Variants in ABLIM2 observed in about 807,000 individuals in gnomAD.
ABLIM2 encodes actin binding LIM protein family member 2.
In ABLIM2, 53 loss-of-function variants were observed where a neutral mutation model predicts 97.7. That is an observed-to-expected ratio of 0.54 (90% confidence interval 0.44 to 0.68). The LOEUF (loss-of-function observed/expected upper bound fraction) is 0.68. Among genes scored for constraint, ABLIM2 ranks in the 30% least tolerant of loss-of-function variants. The probability of loss-of-function intolerance (pLI) is 0.00; values close to 1 mark genes in which losing one functional copy is unlikely to be tolerated. For synonymous variants in ABLIM2, 361 were observed against 345.8 expected (o/e 1.04, Z -0.49); for missense variants, 835 against 867.2 (o/e 0.96, Z 0.47).
chr4:8,089,732 C>CAA lies in ABLIM2; in HGVS notation c.339-1450_339-1449dup, dbSNP rs58396378. 8.6e-3 allele frequency among the ~76,000 whole-genome samples: 752 copies of CAA among 87,344 alleles called. 11 individuals carry two copies. The highest frequency in any genetic ancestry group is 0.018 in the South Asian group (32 of 1,828). The allele number at this position is 87,344 out of a possible 152,430, so 57.3% of individuals were successfully genotyped here. A position where few individuals can be genotyped will look rare whatever the true frequency, so the allele number is the denominator to read the frequency against. Reference sequence around the variant, plus strand: ...CTGGGCCAAAGAGTGAGATTCATATCAAAAAAAAAAAAAAAAAAAAAAAGC... The same window carrying CAA: ...CTGGGCCAAAGAGTGAGATTCATATCAAAAAAAAAAAAAAAAAAAAAAAAAGC... On this transcript the variant is annotated intron_variant, in intron 3 of 20. Coordinates refer to ENST00000447017, the MANE Select transcript of ABLIM2 (RefSeq NM_001130083.2).
At chr4:8,007,775 G>T (rs1578487299) in intron 16 of ABLIM2, 2 of 1,213,684 alleles carry the variant, frequency 1.6e-6, no homozygotes, top group East Asian at 8.0e-5. Flanking sequence ...AACAGCCCAG[G>T]AGCAGGTCTG....
In ABLIM2 at chr4:8,054,215, T is replaced by C; in HGVS notation, c.795A>G (p.Gln265=). The change falls in exon 8 of 21, where the codon CAA becomes CAG. Residue 265 remains glutamine (Q), a synonymous_variant. Transcript: ENST00000447017. The surrounding 1 kb of genome is among the most constrained non-coding windows in gnomAD (Gnocchi z 4.9). ...GSSIWHPACR[Q]AARTEDRNKE... ...TGTTTCTGTCTTCAGTTCTGGCTGCTTGTCGACACGCCGGATGCCAGATGG... is the reference window on the plus strand; with the variant it reads ...TGTTTCTGTCTTCAGTTCTGGCTGCCTGTCGACACGCCGGATGCCAGATGG... The C allele has an allele frequency of 1.2e-6, 2 of 1,614,080 alleles. No homozygotes were observed. Among genetic ancestry groups the C allele is most frequent in the Non-Finnish European group, 1.7e-6 (2 of 1,179,908 alleles).
At chr4:8,143,215 G>A (rs1452633277) in intron 1 of ABLIM2, among the ~76,000 whole-genome samples, 1 of 148,000 alleles carries the variant, frequency 6.8e-6, no homozygotes, top group Non-Finnish European at 1.5e-5. Flanking sequence ...CTCTATCACA[G>A]CGTCCCAGGC....
chr4:8,080,538 C>G (rs1032053699), intron 5 of ABLIM2, 138 bp downstream of exon 5: 2 of 1,014,870 alleles, frequency 2.0e-6, no homozygotes, highest in Non-Finnish European at 2.7e-6. Context: ...TCTCACCCAG[C>G]AGCAGGGCAG....
chr4:8,009,616 G>C (rs1177201243), intron 14 of ABLIM2, among the ~76,000 whole-genome samples: 1 of 152,118 alleles, frequency 6.6e-6, no homozygotes, highest in Non-Finnish European at 1.5e-5. Flanking sequence ...GGCTGGTCTT[G>C]AACTCTTGAT....
chr4:8,061,397 G>A lies in ABLIM2; in HGVS notation c.676-343C>T, dbSNP rs1042821703. ...AGGTCTTGGTATTTCCAGAGGGAGC[G>A]GGAGGGACAGGAGGAGGAAGAAAAG... is the stretch of plus-strand genomic sequence containing the variant. On this transcript the variant is annotated intron_variant, in intron 6 of 20. Transcript: ENST00000447017. This position sits in a 1 kb window ranked among gnomAD's most constrained non-coding sequence, Gnocchi z 4.5. 6.6e-6 allele frequency among the ~76,000 whole-genome samples: 1 copy of A among 152,152 alleles called. No individual in the cohort carries two copies.
intron 8 of ABLIM2, among the ~76,000 whole-genome samples, chr4:8,052,073 G>A (rs771526573): frequency 1.3e-5 from 2 of 151,994 alleles, no homozygotes; most frequent in Non-Finnish European, 2.9e-5. Flanking sequence ...TAAACTCTCC[G>A]CTCTTTAAGA....
intron 14 of ABLIM2, among the ~76,000 whole-genome samples, chr4:8,011,115 A>T (rs1578581836): frequency 2.0e-5 from 3 of 152,230 alleles, no homozygotes; most frequent in African/African-American, 7.2e-5. Flanking sequence ...CTGAAATCCC[A>T]GCCCTTGGAA....
intron 9 of ABLIM2, among the ~76,000 whole-genome samples, chr4:8,037,533 A>G (rs2151487302): frequency 6.6e-6 from 1 of 151,674 alleles, no homozygotes; most frequent in South Asian, 2.1e-4. Context: ...CCCCAGGCCC[A>G]TGGCTCACTC....
chr4:8,095,653 G>A lies in ABLIM2; in HGVS notation c.338+1446C>T, dbSNP rs927140813. Among the ~76,000 whole-genome samples, 1 of 152,160 alleles carries A rather than the reference G, an allele frequency of 6.6e-6. No homozygotes were observed. The highest frequency in any genetic ancestry group is 2.4e-5 in the African/African-American group (1 of 41,440). ...CCTACCTTGGCCTCCCGAGGTGCTGGATTACGGGTGTGAGCCTCCGCGCCC... is the reference window on the plus strand; with the variant it reads ...CCTACCTTGGCCTCCCGAGGTGCTGAATTACGGGTGTGAGCCTCCGCGCCC... On this transcript the variant is annotated intron_variant, in intron 3 of 20. Transcript: ENST00000447017. The surrounding 1 kb of genome is among the most constrained non-coding windows in gnomAD (Gnocchi z 4.7).
At position 8,061,248 on chromosome 4, in the gene ABLIM2, G is replaced by A. The variant is rs12504332; in HGVS notation, c.676-194C>T. ...GGGGTGCCCCCGGGCTGTCCAAGGC[G>A]CCCTGTGGGGAGGCAGGGGGAGACC... is the stretch of plus-strand genomic sequence containing the variant. On this transcript the variant is annotated intron_variant, in intron 6 of 20. Coordinates refer to ENST00000447017, the MANE Select transcript of ABLIM2 (RefSeq NM_001130083.2). This position sits in a 1 kb window ranked among gnomAD's most constrained non-coding sequence, Gnocchi z 4.5. Among the ~76,000 whole-genome samples, 94,818 of 151,894 alleles carry A rather than the reference G, an allele frequency of 0.62. 30,200 individuals are homozygous for A. Among genetic ancestry groups the A allele is most frequent in the East Asian group, 0.93 (4,779 of 5,116 alleles).
In ABLIM2 at chr4:8,128,931, C is replaced by T. The variant is rs899809311; in HGVS notation, c.11-22294G>A. 6.6e-6 allele frequency among the ~76,000 whole-genome samples: 1 copy of T among 152,168 alleles called. No homozygotes were observed. The highest frequency in any genetic ancestry group is 2.4e-5 in the African/African-American group (1 of 41,434). On this transcript the variant is annotated intron_variant, in intron 1 of 20. Transcript: ENST00000447017. The surrounding 1 kb of genome is among the most constrained non-coding windows in gnomAD (Gnocchi z 4.9). ...GGCACTCTGATCTTGGACTTCCAGC[C>T]TCCAGAACTGAGAAAAATAAATGTC...
Position 8,043,245 on chromosome 4 carries a change from T to C in ABLIM2, c.900+1919A>G, listed in dbSNP as rs980621352. Among the ~76,000 whole-genome samples the C allele has an allele frequency of 1.6e-4, 25 of 152,342 alleles. No homozygotes were observed. Among genetic ancestry groups the C allele is most frequent in the African/African-American group, 5.8e-4 (24 of 41,588 alleles). On this transcript the variant is annotated intron_variant, in intron 9 of 20. Coordinates refer to ENST00000447017, the MANE Select transcript of ABLIM2 (RefSeq NM_001130083.2). This position sits in a 1 kb window ranked among gnomAD's most constrained non-coding sequence, Gnocchi z 4.8. ...ACCTAAAACTTTGATTAAATACGTC[T>C]GTCATGCTTTTCTCTTGTGAACTTG...
intron 6 of ABLIM2, among the ~76,000 whole-genome samples, chr4:8,073,300 C>T (rs1028993820): frequency 3.3e-5 from 5 of 149,888 alleles, no homozygotes; most frequent in African/African-American, 9.9e-5. Flanking sequence ...CCACCCAGGC[C>T]GTCCTCGCTG....
chr4:7,967,200 T>C (rs1041149606), intron 20 of ABLIM2, 97 bp from the exon 21 acceptor site: 10 of 1,007,068 alleles, frequency 9.9e-6, no homozygotes, highest in Admixed American at 5.3e-5. Context: ...AGGGGCAGGA[T>C]TGCATTGAGG....
chr4:8,036,152 G>A lies in ABLIM2; in HGVS notation c.1044C>T (p.Gly348=), dbSNP rs757644362. The change falls in exon 10 of 21, where the codon GGC becomes GGT. Residue 348 remains glycine (G), a synonymous_variant. Coordinates refer to ENST00000447017, the MANE Select transcript of ABLIM2 (RefSeq NM_001130083.2). The part of the protein sequence containing the change: ...SHSAGDRQSY[G]EGDQDDRSYK... ...GCCATGTGGGCAGGGTCCATACCTC[G>A]CCGTAGCTCTGCCTGTCCCCTGCAG... The A allele has an allele frequency of 3.0e-5, 49 of 1,613,756 alleles. No homozygotes were observed. In the East Asian group the frequency reaches 8.0e-4, roughly 26 times the overall value.
intron 16 of ABLIM2, chr4:8,006,891 T>A: frequency 2.1e-6 from 1 of 480,954 alleles, no homozygotes; most frequent in East Asian, 1.5e-4. Flanking sequence ...GGGGGGTGGC[T>A]TTCCCATGGT....
chr4:8,030,162 T>C (rs1308579628), intron 10 of ABLIM2, among the ~76,000 whole-genome samples: 9 of 152,114 alleles, frequency 5.9e-5, no homozygotes, highest in African/African-American at 1.2e-4. Flanking sequence ...CCAGTCCCTA[T>C]GGGGGTTTCT....
At chr4:8,053,992 C>A (rs1192556518) in intron 8 of ABLIM2, among the ~76,000 whole-genome samples, 196 bp downstream of exon 8, 1 of 152,138 alleles carries the variant, frequency 6.6e-6, no homozygotes, top group African/African-American at 2.4e-5. Flanking sequence ...AACAAAGATG[C>A]CCTTGTTCCA....
Sources: allele counts gnomAD v4.1 joint callset (sites outside exome capture counted in the v4.1 genomes callset), GRCh38; gene constraint gnomAD v4.1.1; non-coding constraint Gnocchi (gnomAD v3.1); transcripts MANE v1.5; gene names NCBI Gene and HGNC (gene_info 2026-07-23, HGNC 2026-07-21).